Variants in VSTM1 observed in about 807,000 individuals in gnomAD.
VSTM1 encodes the protein V-set and transmembrane domain-containing protein 1.
A neutral mutation model predicts 33.1 loss-of-function variants in VSTM1; 27 were observed. That is an observed-to-expected ratio of 0.82 (90% CI 0.60 to 1.12). VSTM1 has a LOEUF of 1.12. Ranked by LOEUF, VSTM1 falls within the 50% of genes most tolerant of loss-of-function variation. VSTM1 has a pLI of 0.00. For missense variants in VSTM1, 304 were observed against 288.9 expected (o/e 1.05, Z -0.38); for synonymous variants, 115 against 110.3 (o/e 1.04, Z -0.27).
intron 4 of VSTM1, among the ~76,000 whole-genome samples, chr19:54,042,746 G>T (rs1600105661): frequency 1.2e-5 from 1 of 82,282 alleles, no homozygotes; most frequent in Non-Finnish European, 2.8e-5. Context: ...ATATATATAC[G>T]TGTGTGTGTG....
chr19:54,045,378 A>G (rs1236679836), intron 4 of VSTM1, among the ~76,000 whole-genome samples: 1 of 151,882 alleles, frequency 6.6e-6, no homozygotes. Context: ...CAATCTATCT[A>G]TCCTATCATA....
intron 3 of VSTM1, among the ~76,000 whole-genome samples, chr19:54,054,697 G>C (rs1411184219): frequency 7.1e-6 from 1 of 140,044 alleles, no homozygotes; most frequent in Non-Finnish European, 1.6e-5. Flanking sequence ...GAGTGAATGG[G>C]TGAAAGGGTG....
chr19:54,052,086 C>G (rs968076188), intron 3 of VSTM1, among the ~76,000 whole-genome samples: 6 of 152,152 alleles, frequency 3.9e-5, no homozygotes, highest in Non-Finnish European at 7.4e-5. Flanking sequence ...ACAGTGGCAC[C>G]ATTTAGTCTA....
At chr19:54,055,323 T>C (rs2146111710) in intron 3 of VSTM1, among the ~76,000 whole-genome samples, 1 of 142,368 alleles carries the variant, frequency 7.0e-6, no homozygotes, top group Non-Finnish European at 1.6e-5. Flanking sequence ...GTGAAGCTCA[T>C]TGTTTTTGTG....
rs747376374 is a variant in VSTM1 at position 54,058,554 on chromosome 19, C to G, written c.107G>C (p.Ser36Thr). Residue 36 changes from serine to threonine, a missense_variant, in exon 3 of 9, where the codon AGC (serine) becomes ACC (threonine). By Grantham distance (58) the Ser-to-Thr change is moderately conservative. Transcript: ENST00000338372. ...PPKPSLHAWP[S>T]SVVEAESNVT... ...ATTGCTCTCGGCTTCAACCACCGAG[C>G]TGGGCCAGGCGTGGAGGGAGGGCTT... 1.2e-6 allele frequency: 2 copies of G among 1,614,022 alleles called. No homozygotes were observed. Among genetic ancestry groups the G allele is most frequent in the South Asian group, 2.2e-5 (2 of 91,082 alleles).
In VSTM1 at chr19:54,057,151, G is replaced by A. The variant is rs888786310; in HGVS notation, c.355+1155C>T. Among the ~76,000 whole-genome samples the A allele has an allele frequency of 2.2e-5, 3 of 137,496 alleles. 1 individual carries two copies. The highest frequency in any genetic ancestry group is 4.8e-5 in the Non-Finnish European group (3 of 63,052). The allele number at this position is 137,496 out of a possible 152,430, so 90.2% of individuals were successfully genotyped here. A position where few individuals can be genotyped will look rare whatever the true frequency, so the allele number is the denominator to read the frequency against. ...GATTACAGGCATGAGCCACCGCGCC[G>A]TGCCTGGCCTGCATCTATCTTTTTG... On this transcript the variant is annotated intron_variant, in intron 3 of 8. Transcript: ENST00000338372.
At position 54,058,498 on chromosome 19, in the gene VSTM1, T is replaced by A; in HGVS notation, c.163A>T (p.Asn55Tyr). ...ACCTTGCGCAGCACAAATGTCACAT[T>A]CTGGGAATGAGCCTGACACTTCAGG... Reference protein sequence around the residue: ...VTLKCQAHSQNVTFVLRKVND... With the variant: ...VTLKCQAHSQYVTFVLRKVND... Residue 55 changes from asparagine (N) to tyrosine (Y), a missense_variant, in exon 3 of 9, where the codon AAT becomes TAT. Coordinates refer to ENST00000338372, the MANE Select transcript of VSTM1 (RefSeq NM_198481.4). The A allele has an allele frequency of 1.9e-6, 3 of 1,614,066 alleles. No individual in the cohort carries two copies. Among genetic ancestry groups the A allele is most frequent in the Non-Finnish European group, 2.5e-6 (3 of 1,180,018 alleles).
chr19:54,043,512 A>G (rs1435421144), intron 4 of VSTM1, among the ~76,000 whole-genome samples: 1 of 152,056 alleles, frequency 6.6e-6, no homozygotes, highest in East Asian at 1.9e-4. Context: ...CCCGGGTTCA[A>G]GCAATTCTCC....
intron 3 of VSTM1, 53 bp downstream of exon 3, chr19:54,058,248 AAAAGC>A: frequency 6.4e-7 from 1 of 1,555,366 alleles, no homozygotes; most frequent in Non-Finnish European, 8.7e-7. Context: ...TTAAAAAAAA[AAAAGC>A]AAAGCCAAAC....
At chr19:54,049,515 T>C (rs545281732) in intron 4 of VSTM1, among the ~76,000 whole-genome samples, 1 of 152,044 alleles carries the variant, frequency 6.6e-6, no homozygotes, top group African/African-American at 2.4e-5. Context: ...GAATTATATA[T>C]CAATAAAAAA....
At chr19:54,054,641 G>GGATGGATC (rs2070997154) in intron 3 of VSTM1, among the ~76,000 whole-genome samples, 1 of 140,762 alleles carries the variant, frequency 7.1e-6, no homozygotes, top group South Asian at 2.3e-4. Context: ...ATGAATGGAT[G>GGATGGATC]GATGGATGGA....
chr19:54,046,478 T>G (rs2070595142), intron 4 of VSTM1, among the ~76,000 whole-genome samples: 1 of 152,170 alleles, frequency 6.6e-6, no homozygotes, highest in Non-Finnish European at 1.5e-5. Flanking sequence ...GTCTAGAAAC[T>G]GACTCATTGT....
At chr19:54,059,352 C>G (rs1175173082) in intron 1 of VSTM1, among the ~76,000 whole-genome samples, 2 of 150,906 alleles carry the variant, frequency 1.3e-5, no homozygotes, top group African/African-American at 4.9e-5. Context: ...TGAGCCACTG[C>G]CCCCGGCCCA....
chr19:54,061,539 G>T (rs1302998489), intron 1 of VSTM1, among the ~76,000 whole-genome samples: 1 of 152,172 alleles, frequency 6.6e-6, no homozygotes, highest in African/African-American at 2.4e-5. Context: ...GAAGACAGAG[G>T]CAGAGAGGCC....
chr19:54,061,513 A>G (rs1459254105), intron 1 of VSTM1, among the ~76,000 whole-genome samples: 4 of 152,194 alleles, frequency 2.6e-5, no homozygotes, highest in East Asian at 3.8e-4. Context: ...GACACACAGA[A>G]GGAAGACGGC....
chr19:54,048,972 T>C (rs1280958746), intron 4 of VSTM1, among the ~76,000 whole-genome samples: 1 of 152,048 alleles, frequency 6.6e-6, no homozygotes. Flanking sequence ...TAGGTCCAGC[T>C]ACTCAGGAGG....
At position 54,049,237 on chromosome 19, in the gene VSTM1, C is replaced by T. The variant is rs139242695; in HGVS notation, c.394+2173G>A. Among the ~76,000 whole-genome samples, 739 of 152,204 alleles carry T rather than the reference C, an allele frequency of 4.9e-3. 4 individuals carry two copies. The highest frequency in any genetic ancestry group is 0.017 in the African/African-American group (689 of 41,534). ...AAACATTATGCTAAAGAGAAAGGAGCTAGTCACAAAGGATCACATAGTGTA... is the reference window on the plus strand; with the variant it reads ...AAACATTATGCTAAAGAGAAAGGAGTTAGTCACAAAGGATCACATAGTGTA... On this transcript the variant is annotated intron_variant, in intron 4 of 8. Transcript: ENST00000338372.
chr19:54,042,806 G>GTATATATATATA lies in VSTM1; in HGVS notation c.395-449_395-438dup, dbSNP rs1203522841. On this transcript the variant is annotated intron_variant, in intron 4 of 8. Transcript: ENST00000338372. Reference sequence around the variant, plus strand: ...TATATGTGTGTGTATATATAAATGTGTATATATATATATATATATATATAT... The same window carrying GTATATATATATA: ...TATATGTGTGTGTATATATAAATGTGTATATATATATATATATATATATATATATATATATAT... Among the ~76,000 whole-genome samples, 462 of 57,752 alleles carry GTATATATATATA rather than the reference G, an allele frequency of 8.0e-3. 11 individuals are homozygous for GTATATATATATA. The highest frequency in any genetic ancestry group is 0.012 in the Non-Finnish European group (366 of 31,496). The allele number at this position is 57,752 out of a possible 152,430, so 37.9% of individuals were successfully genotyped here.
chr19:54,050,607 A>G (rs1481989958), intron 4 of VSTM1, among the ~76,000 whole-genome samples: 1 of 152,024 alleles, frequency 6.6e-6, no homozygotes, highest in African/African-American at 2.4e-5. Context: ...ACCCGGAAGC[A>G]CTTTAGAGGT....
Sources: allele counts gnomAD v4.1 joint callset (sites outside exome capture counted in the v4.1 genomes callset), GRCh38; gene constraint gnomAD v4.1.1; transcripts MANE v1.5; gene names NCBI Gene and HGNC (gene_info 2026-07-23, HGNC 2026-07-21).